NCALD: variants seen among roughly 807,000 people sequenced by gnomAD.
NCALD encodes neurocalcin-delta.
A neutral mutation model predicts 18.6 loss-of-function variants in NCALD; 10 were observed. The observed-to-expected ratio is 0.54, with a 90% confidence interval of 0.33 to 0.91. The LOEUF is 0.91. Among genes scored for constraint, NCALD ranks in the 40% least tolerant of loss-of-function variants. The pLI is 0.03. For synonymous variants in NCALD, 88 were observed against 87.4 expected (o/e 1.01, Z -0.04); for missense variants, 184 against 247.6 (o/e 0.74, Z 1.72).
intron 1 of NCALD, among the ~76,000 whole-genome samples, chr8:102,089,530 G>C (rs1824855308): frequency 6.6e-6 from 1 of 152,106 alleles, no homozygotes; most frequent in Non-Finnish European, 1.5e-5. Context: ...GCTTTAATTG[G>C]CTTAAGAATA....
intron 2 of NCALD, among the ~76,000 whole-genome samples, chr8:101,993,017 C>T (rs540122474): frequency 6.8e-6 from 1 of 146,750 alleles, no homozygotes; most frequent in East Asian, 2.0e-4. Context: ...GATTCAGAAA[C>T]TGGTGGTCTC....
intron 4 of NCALD, among the ~76,000 whole-genome samples, chr8:101,858,648 A>T (rs1815416563): frequency 1.3e-5 from 2 of 152,126 alleles, no homozygotes; most frequent in Non-Finnish European, 2.9e-5. Flanking sequence ...AAAATACTGG[A>T]GGATTTCTCT....
At chr8:101,711,335 A>C (rs2130319809) in intron 2 of NCALD, among the ~76,000 whole-genome samples, 1 of 152,236 alleles carries the variant, frequency 6.6e-6, no homozygotes, top group East Asian at 1.9e-4. Context: ...AAAGCCTGAA[A>C]ATTCCAAAAA....
chr8:102,059,100 A>T (rs1823754127), intron 1 of NCALD, among the ~76,000 whole-genome samples: 1 of 152,244 alleles, frequency 6.6e-6, no homozygotes, highest in African/African-American at 2.4e-5. Flanking sequence ...TGTATTGTTT[A>T]ATCTACAAGT....
At chr8:101,773,983 A>G (rs973687643) in intron 1 of NCALD, among the ~76,000 whole-genome samples, 2 of 152,216 alleles carry the variant, frequency 1.3e-5, no homozygotes, top group Non-Finnish European at 2.9e-5. Flanking sequence ...TGACTAATTC[A>G]GTGGTCATGG....
At chr8:101,843,582 G>GTTGTTTTTT (rs1554644302) in intron 4 of NCALD, among the ~76,000 whole-genome samples, 1 of 125,140 alleles carries the variant, frequency 8.0e-6, no homozygotes, top group Non-Finnish European at 1.6e-5. Context: ...TTTAAAAATT[G>GTTGTTTTTT]TTTTTTTTTT....
intron 2 of NCALD, among the ~76,000 whole-genome samples, chr8:101,709,343 G>A (rs1481158414): frequency 6.6e-6 from 1 of 152,154 alleles, no homozygotes; most frequent in Non-Finnish European, 1.5e-5. Flanking sequence ...ACCCTCACAT[G>A]CCTATTCTTC....
At chr8:101,710,885 C>T (rs1253476079) in intron 2 of NCALD, among the ~76,000 whole-genome samples, 1 of 152,194 alleles carries the variant, frequency 6.6e-6, no homozygotes, top group Non-Finnish European at 1.5e-5. Flanking sequence ...AAGAGAGCAG[C>T]GATCTCCCAG....
chr8:101,871,319 C>G (rs985049171), intron 4 of NCALD, among the ~76,000 whole-genome samples: 6 of 152,124 alleles, frequency 3.9e-5, no homozygotes, highest in African/African-American at 1.4e-4. Flanking sequence ...ATAGAAAAAT[C>G]TGGAAAGACA....
chr8:101,914,083 C>G (rs1817894160), intron 3 of NCALD, among the ~76,000 whole-genome samples: 1 of 152,154 alleles, frequency 6.6e-6, no homozygotes, highest in Non-Finnish European at 1.5e-5. Flanking sequence ...TTTAATCAAA[C>G]TTTCTTAGTT....
chr8:101,897,644 A>G (rs1296431174), intron 3 of NCALD, among the ~76,000 whole-genome samples: 2 of 151,804 alleles, frequency 1.3e-5, no homozygotes, highest in East Asian at 1.9e-4. Context: ...TTGTGTAGAT[A>G]AAGTTTTCAC....
chr8:102,071,954 T>C (rs1668930496), intron 1 of NCALD, among the ~76,000 whole-genome samples: 1 of 152,204 alleles, frequency 6.6e-6, no homozygotes. Context: ...TATTGTTTTG[T>C]AGAAATTGAC....
At chr8:101,834,275 G>C (rs1278240820) in intron 4 of NCALD, among the ~76,000 whole-genome samples, 1 of 152,230 alleles carries the variant, frequency 6.6e-6, no homozygotes, top group African/African-American at 2.4e-5. Flanking sequence ...GTGTGAAGAG[G>C]TGCCGGTGTC....
At chr8:101,902,105 GA>G (rs1186698869) in intron 3 of NCALD, among the ~76,000 whole-genome samples, 1 of 152,030 alleles carries the variant, frequency 6.6e-6, no homozygotes, top group African/African-American at 2.4e-5. Flanking sequence ...CTTTTCTCTT[GA>G]TAACACATGT....
At chr8:101,967,558 G>A (rs1270222929) in intron 2 of NCALD, among the ~76,000 whole-genome samples, 7 of 152,126 alleles carry the variant, frequency 4.6e-5, no homozygotes, top group African/African-American at 1.7e-4. Flanking sequence ...TTGGTTAAGT[G>A]TCCCATACTC....
intron 4 of NCALD, among the ~76,000 whole-genome samples, chr8:101,876,397 A>G (rs1563848523): frequency 6.6e-6 from 1 of 152,252 alleles, no homozygotes. Flanking sequence ...TGGAGACAAC[A>G]AAACAAATAG....
intron 1 of NCALD, among the ~76,000 whole-genome samples, chr8:102,036,041 CA>C (rs1822850514): frequency 6.6e-6 from 1 of 152,046 alleles, no homozygotes; most frequent in Non-Finnish European, 1.5e-5. Context: ...GTAATCCCAG[CA>C]CTTTGGGAGG....
intron 4 of NCALD, among the ~76,000 whole-genome samples, chr8:101,840,792 C>A (rs539007700): frequency 6.6e-6 from 1 of 152,070 alleles, no homozygotes; most frequent in Non-Finnish European, 1.5e-5. Context: ...TTATTTGAAG[C>A]GCAAAGACAT....
chr8:101,978,736 T>C (rs989534769), intron 2 of NCALD, among the ~76,000 whole-genome samples: 1 of 152,100 alleles, frequency 6.6e-6, no homozygotes, highest in Non-Finnish European at 1.5e-5. Flanking sequence ...TTATTCACCA[T>C]GGATCCTCAT....
Sources: gnomAD v4.1 joint callset for allele counts (sites outside exome capture counted in the v4.1 genomes callset) on GRCh38, gnomAD v4.1.1 for gene constraint, MANE v1.5 for transcripts, NCBI Gene and HGNC (gene_info 2026-07-23, HGNC 2026-07-21) for gene names.